The following PDE4D variants were observed in gnomAD, a reference collection of about 807,000 sequenced individuals.
PDE4D encodes phosphodiesterase 4D.
A neutral mutation model predicts 87.4 loss-of-function variants in PDE4D; 24 were observed. That is an observed-to-expected ratio of 0.27 (90% CI 0.20 to 0.39). The LOEUF (loss-of-function observed/expected upper bound fraction) is 0.39. PDE4D is among the 10% of genes least tolerant of loss of function. The probability of loss-of-function intolerance (pLI) is 1.00; values close to 1 mark genes in which losing one functional copy is unlikely to be tolerated. For missense variants in PDE4D, 714 were observed against 1,041.0 expected (o/e 0.69, Z 4.32); for synonymous variants, 384 against 383.2 (o/e 1.00, Z -0.02).
Position 60,403,788 on chromosome 5 carries a change from A to G in PDE4D, c.-90+84154T>C, listed in dbSNP as rs550469134. Among the ~76,000 whole-genome samples the G allele has an allele frequency of 2.0e-5, 3 of 152,352 alleles. No individual in the cohort carries two copies. In the South Asian group the frequency reaches 6.2e-4, roughly 32 times the overall value. On this transcript the variant is annotated intron_variant, in intron 1 of 16. Transcript: ENST00000502484. ...TGCTGTCTCTCCAGCAGGTAGGTGC[A>G]CAGCTGACCTTTGTCAAGAAAGTAT...
At chr5:59,636,631 C>A (rs1325914261) in intron 1 of PDE4D, among the ~76,000 whole-genome samples, 2 of 152,106 alleles carry the variant, frequency 1.3e-5, no homozygotes, top group Non-Finnish European at 1.5e-5. Context: ...TTTGACAAAC[C>A]TGACAAAAAC....
chr5:58,978,944 C>A (rs1285155346), intron 11 of PDE4D, among the ~76,000 whole-genome samples: 4 of 151,926 alleles, frequency 2.6e-5, no homozygotes, highest in African/African-American at 9.7e-5. Context: ...AATAAACAAA[C>A]ATATATTGAA....
intron 2 of PDE4D, among the ~76,000 whole-genome samples, chr5:60,136,978 G>A (rs986589810): frequency 2.6e-5 from 4 of 151,902 alleles, no homozygotes; most frequent in Admixed American, 6.6e-5. Flanking sequence ...CCTACCCTCT[G>A]AAAGGCCCCA....
chr5:59,765,732 G>T (rs1762705638), intron 1 of PDE4D, among the ~76,000 whole-genome samples: 1 of 152,184 alleles, frequency 6.6e-6, no homozygotes, highest in East Asian at 1.9e-4. Context: ...GCACCCAGTG[G>T]CTAGGGCAGG....
At chr5:59,486,296 T>C (rs1356510278) in intron 1 of PDE4D, among the ~76,000 whole-genome samples, 1 of 152,154 alleles carries the variant, frequency 6.6e-6, no homozygotes, top group African/African-American at 2.4e-5. Context: ...ACCATCCTGT[T>C]GTCTTTTCTC....
chr5:59,219,938 G>A (rs370214276), intron 1 of PDE4D, among the ~76,000 whole-genome samples: 12 of 152,168 alleles, frequency 7.9e-5, no homozygotes, highest in South Asian at 2.1e-4. Context: ...TGAATAAGGC[G>A]TGTATATAAA....
intron 1 of PDE4D, among the ~76,000 whole-genome samples, chr5:59,857,560 ATGAGCAAGTTATTTC>A (rs144980862): frequency 0.1 from 15,540 of 152,036 alleles, 2,498 homozygotes; most frequent in African/African-American, 0.34. Flanking sequence ...TATTTCCCTG[ATGAGCAAGTTATTTC>A]TGAATCAGTA....
chr5:60,293,276 A>C (rs1281738286), intron 1 of PDE4D, among the ~76,000 whole-genome samples: 1 of 152,122 alleles, frequency 6.6e-6, no homozygotes, highest in Non-Finnish European at 1.5e-5. Flanking sequence ...CTGTAATCCC[A>C]GCATTTTGGG....
chr5:59,140,186 C>T (rs565509393), intron 5 of PDE4D, among the ~76,000 whole-genome samples: 2 of 152,328 alleles, frequency 1.3e-5, no homozygotes, highest in East Asian at 1.9e-4. Context: ...TCATACTTCT[C>T]AAGGGCAACA....
chr5:59,118,478 A>G (rs927545753), intron 5 of PDE4D, among the ~76,000 whole-genome samples: 1 of 152,232 alleles, frequency 6.6e-6, no homozygotes, highest in Non-Finnish European at 1.5e-5. Flanking sequence ...AGAGCAATTC[A>G]AACAAATTAA....
intron 1 of PDE4D, among the ~76,000 whole-genome samples, chr5:60,336,700 G>T (rs896561218): frequency 4.6e-5 from 7 of 152,142 alleles, no homozygotes; most frequent in African/African-American, 9.7e-5. Context: ...ATGGCTGAAT[G>T]ATTCTGTTGA....
chr5:59,877,495 A>T (rs1561803863), intron 1 of PDE4D, among the ~76,000 whole-genome samples: 1 of 149,120 alleles, frequency 6.7e-6, no homozygotes, highest in African/African-American at 2.4e-5. Context: ...AAAAAAAAAA[A>T]AAAAAGAAGA....
chr5:59,779,417 G>A (rs1000996217), intron 1 of PDE4D, among the ~76,000 whole-genome samples: 4 of 152,076 alleles, frequency 2.6e-5, no homozygotes, highest in African/African-American at 9.7e-5. Flanking sequence ...GTTGCTATTA[G>A]GACGTGAAAT....
At chr5:60,516,709 G>A (rs2088985184) in intron 1 of PDE4D, among the ~76,000 whole-genome samples, 3 of 152,208 alleles carry the variant, frequency 2.0e-5, no homozygotes, top group Admixed American at 2.0e-4. Flanking sequence ...TCTATGTTAT[G>A]CCAGACATTG....
intron 1 of PDE4D, among the ~76,000 whole-genome samples, chr5:60,326,521 C>A (rs901007005): frequency 6.6e-6 from 1 of 152,018 alleles, no homozygotes; most frequent in African/African-American, 2.4e-5. Context: ...CACTCTTAGG[C>A]CATCAGAAAA....
chr5:59,988,800 G>A, intron 2 of PDE4D: 3 of 687,076 alleles, frequency 4.4e-6, no homozygotes, highest in South Asian at 2.7e-5. Flanking sequence ...TACTTTCCTG[G>A]GAAAGAAATT....
intron 1 of PDE4D, among the ~76,000 whole-genome samples, chr5:59,469,882 G>T (rs1248335592): frequency 6.6e-6 from 1 of 152,116 alleles, no homozygotes; most frequent in Non-Finnish European, 1.5e-5. Context: ...AAAAGGCATT[G>T]CACCACAATC....
intron 1 of PDE4D, among the ~76,000 whole-genome samples, chr5:59,621,488 G>C (rs943762520): frequency 2.0e-5 from 3 of 152,174 alleles, no homozygotes; most frequent in Non-Finnish European, 4.4e-5. Flanking sequence ...AAGCAAACCT[G>C]CTAGGCCCCT....
chr5:59,156,331 A>ATATATATATATATGTG (rs1384479557), intron 5 of PDE4D, among the ~76,000 whole-genome samples: 80 of 122,748 alleles, frequency 6.5e-4, no homozygotes, highest in East Asian at 4.1e-3. Context: ...ATATATATAT[A>ATATATATATATATGTG]TGTGTGTGTG....
Sources: gnomAD v4.1 joint callset for allele counts (sites outside exome capture counted in the v4.1 genomes callset) on GRCh38, gnomAD v4.1.1 for gene constraint, MANE v1.5 for transcripts, NCBI Gene and HGNC (gene_info 2026-07-23, HGNC 2026-07-21) for gene names.